Variants in MAP6 observed in about 807,000 individuals in gnomAD.
MAP6 encodes the protein microtubule-associated protein 6.
In MAP6, 26 loss-of-function variants were observed where a neutral mutation model predicts 42.4. The observed-to-expected ratio is 0.61, with a 90% CI of 0.45 to 0.85. MAP6 has a LOEUF of 0.85. Among genes scored for constraint, MAP6 ranks in the 40% least tolerant of loss-of-function variants. The pLI is 0.00. For missense variants in MAP6, 966 were observed against 1,099.0 expected, an observed-to-expected ratio of 0.88 and a Z score of 1.71; for synonymous variants, 418 against 443.8, an observed-to-expected ratio of 0.94 and a Z score of 0.73.
chr11:75,605,829 T>C lies in MAP6; in HGVS notation c.1295A>G (p.Asn432Ser), dbSNP rs1425747146. ...DDKEQSKEMN[N>S]KLAEAKESLA... ...TTACTCTTTCGCCTCAGCCAGTTTATTGTTCATCTCTTTGCTTTGCTCCTT... is the reference window on the plus strand; with the variant it reads ...TTACTCTTTCGCCTCAGCCAGTTTACTGTTCATCTCTTTGCTTTGCTCCTT... The change falls in exon 3 of 4, where the codon AAT becomes AGT. Residue 432 changes from asparagine (N) to serine (S), a missense_variant. Physicochemically the swap from Asn to Ser is conservative, Grantham distance 46 (BLOSUM62 1). Coordinates refer to ENST00000304771, the MANE Select transcript of MAP6 (RefSeq NM_033063.2). 1 of 1,614,174 alleles carries C rather than the reference T, an allele frequency of 6.2e-7. No individual in the cohort carries two copies. Among genetic ancestry groups the C allele is most frequent in the Non-Finnish European group, 8.5e-7 (1 of 1,180,022 alleles).
intron 1 of MAP6, among the ~76,000 whole-genome samples, chr11:75,644,603 C>A (rs1943525648): frequency 6.6e-6 from 1 of 151,986 alleles, no homozygotes; most frequent in Admixed American, 6.6e-5. Context: ...CAAAGTTTAC[C>A]AGTACACAGT....
intron 1 of MAP6, among the ~76,000 whole-genome samples, chr11:75,650,172 T>C (rs1943625325): frequency 6.6e-6 from 1 of 152,134 alleles, no homozygotes; most frequent in African/African-American, 2.4e-5. Flanking sequence ...TGTGGCACCG[T>C]AGTGCTGGGA....
At chr11:75,633,127 C>T (rs1248922007) in intron 1 of MAP6, among the ~76,000 whole-genome samples, 1 of 151,758 alleles carries the variant, frequency 6.6e-6, no homozygotes, top group Non-Finnish European at 1.5e-5. Context: ...AACATATCTT[C>T]ACTTAAGTAT....
chr11:75,589,622 T>C (rs652524), intron 3 of MAP6, among the ~76,000 whole-genome samples: 109,307 of 152,072 alleles, frequency 0.72, 39,556 homozygotes, highest in African/African-American at 0.79. Context: ...ATCTGGATCC[T>C]TCCGCTCCTG....
At chr11:75,590,119 G>A (rs1942451266) in intron 3 of MAP6, among the ~76,000 whole-genome samples, 1 of 152,184 alleles carries the variant, frequency 6.6e-6, no homozygotes, top group Admixed American at 6.5e-5. Context: ...AGCCAGGCAA[G>A]GCTGTGAGAA....
At chr11:75,652,997 C>T (rs1943675009) in intron 1 of MAP6, among the ~76,000 whole-genome samples, 1 of 152,172 alleles carries the variant, frequency 6.6e-6, no homozygotes, top group African/African-American at 2.4e-5. Flanking sequence ...TCTTACTTCT[C>T]TCCCACCCAT....
intron 1 of MAP6, among the ~76,000 whole-genome samples, chr11:75,620,602 T>C (rs1251151893): frequency 1.3e-5 from 2 of 151,792 alleles, no homozygotes; most frequent in Non-Finnish European, 2.9e-5. Context: ...TCAAAGACAC[T>C]GCAAGAAAAG....
At chr11:75,639,092 T>C (rs1416199861) in intron 1 of MAP6, among the ~76,000 whole-genome samples, 1 of 152,154 alleles carries the variant, frequency 6.6e-6, no homozygotes, top group East Asian at 1.9e-4. Flanking sequence ...GGGAGCTAAA[T>C]AATGTGTACA....
At chr11:75,657,480 A>G (rs187993984) in intron 1 of MAP6, among the ~76,000 whole-genome samples, 1 of 152,182 alleles carries the variant, frequency 6.6e-6, no homozygotes, top group Non-Finnish European at 1.5e-5. Context: ...TGTGTAGTGC[A>G]TCGAGGCCAG....
chr11:75,615,302 G>T (rs1307853531), intron 1 of MAP6, among the ~76,000 whole-genome samples: 1 of 152,132 alleles, frequency 6.6e-6, no homozygotes, highest in African/African-American at 2.4e-5. Context: ...ATTTACATAC[G>T]GCCTACTCAT....
rs138070216 is a variant in MAP6 at position 75,600,832 on chromosome 11, G to A, written c.1316+4976C>T. ...TCAAATCTATGAGAAGTGAGAAGCA[G>A]GTTGTAAATTCTTAAACCCTAGTGA... On this transcript the variant is annotated intron_variant, in intron 3 of 3. Transcript: ENST00000304771. 1.9e-3 allele frequency among the ~76,000 whole-genome samples: 292 copies of A among 152,334 alleles called. 1 individual carries two copies. Among genetic ancestry groups the A allele is most frequent in the Middle Eastern group, 6.8e-3 (2 of 294 alleles).
intron 1 of MAP6, among the ~76,000 whole-genome samples, chr11:75,651,975 A>G (rs889421718): frequency 3.9e-5 from 6 of 152,222 alleles, no homozygotes; most frequent in African/African-American, 1.4e-4. Context: ...AGGTTTTTGT[A>G]GATGAATGTT....
Position 75,667,933 on chromosome 11 carries a change from G to A in MAP6, c.437C>T (p.Ser146Phe). The A allele has an allele frequency of 1.4e-6, 2 of 1,384,560 alleles. No individual in the cohort carries two copies. Among genetic ancestry groups the A allele is most frequent in the Admixed American group, 2.7e-5 (1 of 37,052 alleles). The allele number at this position is 1,384,560 out of a possible 1,614,324, so 85.8% of individuals were successfully genotyped here. ...GGTCTCGCGCTCGAAGGGAGCGTCG[G>A]AGGGCTGGTATTCGCTGCGCGGCCG... ...SCRPRSEYQP[S>F]DAPFERETQY... Residue 146 changes from serine (S) to phenylalanine (F), a missense_variant, in exon 1 of 4, where the codon TCC (serine) becomes TTC (phenylalanine). Ser to Phe is a radical substitution (Grantham distance 155, BLOSUM62 -2). Around this residue, in one of 2 missense-constraint regions of MAP6, gnomAD observed 943 missense variants for 1,049.9 expected, o/e 0.90. Coordinates refer to ENST00000304771, the MANE Select transcript of MAP6 (RefSeq NM_033063.2). This position sits in a 1 kb window ranked among gnomAD's most constrained non-coding sequence, Gnocchi z 5.6.
At chr11:75,599,207 G>T (rs889253119) in intron 3 of MAP6, among the ~76,000 whole-genome samples, 1 of 152,162 alleles carries the variant, frequency 6.6e-6, no homozygotes, top group Non-Finnish European at 1.5e-5. Context: ...CCAGATAAGA[G>T]TTCTGGGGCC....
chr11:75,625,719 C>T (rs1943182823), intron 1 of MAP6, among the ~76,000 whole-genome samples: 1 of 152,158 alleles, frequency 6.6e-6, no homozygotes, highest in African/African-American at 2.4e-5. Context: ...AAAAGAATCC[C>T]ACAACTTTTT....
At chr11:75,663,621 G>A (rs536330630) in intron 1 of MAP6, among the ~76,000 whole-genome samples, 1 of 152,260 alleles carries the variant, frequency 6.6e-6, no homozygotes, top group African/African-American at 2.4e-5. Context: ...ACAATGATAA[G>A]GGTTCAGAAA....
chr11:75,651,064 G>A (rs565566887), intron 1 of MAP6, among the ~76,000 whole-genome samples: 79 of 152,254 alleles, frequency 5.2e-4, no homozygotes, highest in Non-Finnish European at 9.8e-4. Flanking sequence ...TGAAGTAGGA[G>A]CTGACACAGA....
chr11:75,612,188 T>A (rs1942907836), intron 1 of MAP6, among the ~76,000 whole-genome samples: 1 of 152,260 alleles, frequency 6.6e-6, no homozygotes, highest in African/African-American at 2.4e-5. Context: ...CATGGTCCCC[T>A]GTAACATGGT....
intron 3 of MAP6, among the ~76,000 whole-genome samples, chr11:75,597,839 G>A (rs776511598): frequency 1.2e-4 from 18 of 152,222 alleles, no homozygotes; most frequent in South Asian, 2.1e-4. Context: ...ACTAGATGGC[G>A]TTAATCTCAG....
Sources: gnomAD v4.1 joint callset for allele counts (sites outside exome capture counted in the v4.1 genomes callset) on GRCh38, gnomAD v4.1.1 for gene constraint, gnomAD v4.1.1 regional missense constraint, Gnocchi (gnomAD v3.1) non-coding constraint, MANE v1.5 for transcripts, NCBI Gene and HGNC (gene_info 2026-07-23, HGNC 2026-07-21) for gene names.